The following TTN variants were observed in gnomAD, a reference collection of about 807,000 sequenced individuals.
The protein encoded by TTN is titin.
In TTN, 1,525 loss-of-function variants were observed where a neutral mutation model predicts 3,223.0. The observed-to-expected ratio is 0.47, with a 90% CI of 0.45 to 0.49. The LOEUF is 0.49. Among genes scored for constraint, TTN ranks in the 20% least tolerant of loss-of-function variants. TTN has a pLI of 0.00. For synonymous variants in TTN, 14,094 were observed against 15,161.0 expected, an observed-to-expected ratio of 0.93 and a Z score of 5.17; for missense variants, 40,786 against 43,424.0, an observed-to-expected ratio of 0.94 and a Z score of 5.40.
Position 178,548,774 on chromosome 2 carries a change from C to G in TTN, c.92852G>C (p.Gly30951Ala). 6.2e-7 allele frequency: 1 copy of G among 1,613,212 alleles called. No homozygotes were observed. The highest frequency in any genetic ancestry group is 8.5e-7 in the Non-Finnish European group (1 of 1,179,776). ...CCACACAGCTGTAGGAGTAGGTCTA[C>G]CTTGGTAGGCAATGAAGAGGCGAAT... is the stretch of plus-strand genomic sequence containing the variant. ...ASIRLFIAYQ[G>A]RPTPTAVWSK... is the part of the protein sequence containing the mutation. Residue 30951 changes from glycine (G) to alanine (A), a missense_variant, in exon 339 of 363, where the codon GGT (glycine) becomes GCT (alanine). Coordinates refer to ENST00000589042, the MANE Select transcript of TTN (RefSeq NM_001267550.2). The surrounding 1 kb of genome is among the most constrained non-coding windows in gnomAD (Gnocchi z 4.3).
chr2:178,683,968 A>ATTT (rs372078760), intron 133 of TTN, 31 bp downstream of exon 133: 79 of 1,259,566 alleles, frequency 6.3e-5, no homozygotes, highest in South Asian at 3.1e-4. Context: ...GCTTATTTTG[A>ATTT]TTTTTTTTTT....
chr2:178,546,153 A>T (rs1288206199), intron 342 of TTN, 37 bp from the exon 343 acceptor site: 1 of 1,587,890 alleles, frequency 6.3e-7, no homozygotes, highest in East Asian at 2.2e-5. Context: ...GATGAAGATC[A>T]TTCTTTCTGC....
chr2:178,599,913 T>A (rs2052836901), intron 288 of TTN, 63 bp from the exon 289 acceptor site: 1 of 1,451,588 alleles, frequency 6.9e-7, no homozygotes, highest in Non-Finnish European at 9.2e-7. Context: ...AAAGTAGAAT[T>A]CACAGTTACT....
chr2:178,691,562 A>G (rs1268903912), intron 121 of TTN, among the ~76,000 whole-genome samples: 1 of 152,174 alleles, frequency 6.6e-6, no homozygotes, highest in Non-Finnish European at 1.5e-5. Context: ...GCGTGGTACT[A>G]TGTACGTCTT....
chr2:178,765,999 C>T lies in TTN; in HGVS notation c.9703+382G>A, dbSNP rs533218718. Among the ~76,000 whole-genome samples the T allele has an allele frequency of 1.2e-3, 188 of 152,276 alleles. 5 individuals carry two copies. Among genetic ancestry groups the T allele is most frequent in the Admixed American group, 0.011 (169 of 15,292 alleles). On this transcript the variant is annotated intron_variant, in intron 41 of 362. Transcript: ENST00000589042. ...TCTCCCAGGCACTCCATATCAGAGG[C>T]TGGAAACACCCCTTTCACTTGGTAG...
Position 178,735,649 on chromosome 2 carries a change from C to A in TTN, c.14797G>T (p.Asp4933Tyr), listed in dbSNP as rs984284016. Reference sequence around the variant, plus strand: ...TTATCTTCAAAACAGATCTTATAATCTTTCCCTGGGGGGAGTTTTTGCCCA... The same window carrying A: ...TTATCTTCAAAACAGATCTTATAATATTTCCCTGGGGGGAGTTTTTGCCCA... Reference protein sequence around the residue: ...KDGQKLPPGKDYKICFEDKIA... With the variant: ...KDGQKLPPGKYYKICFEDKIA... Residue 4933 changes from aspartate (D) to tyrosine (Y), a missense_variant, in exon 50 of 363, where the codon GAT (aspartate) becomes TAT (tyrosine). By Grantham distance (160) the Asp-to-Tyr change is radical (BLOSUM62 -3). Transcript: ENST00000589042. 6.2e-7 allele frequency: 1 copy of A among 1,613,654 alleles called. No individual in the cohort carries two copies. Among genetic ancestry groups the A allele is most frequent in the African/African-American group, 1.3e-5 (1 of 74,936 alleles).
chr2:178,778,360 TA>T, intron 24 of TTN: 1 of 271,366 alleles, frequency 3.7e-6, no homozygotes, highest in Non-Finnish European at 7.1e-6. Context: ...TATGGAAAAA[TA>T]AAAAATACAC....
chr2:178,565,632 T>C lies in TTN; in HGVS notation c.80500A>G (p.Lys26834Glu). 1 of 1,613,618 alleles carries C rather than the reference T, an allele frequency of 6.2e-7. No individual in the cohort carries two copies. The highest frequency in any genetic ancestry group is 8.5e-7 in the Non-Finnish European group (1 of 1,179,634). The change falls in exon 326 of 363, where the codon AAA becomes GAA. Residue 26834 changes from lysine to glutamate, a missense_variant. Transcript: ENST00000589042. ...CCAGTAACAACTGCATTACAGACTT[T>C]GGATTCAGCCACAATGCTCCATTTT... ...TEKWSIVAES[K>E]VCNAVVTGLS...
rs1390045754 is a variant in TTN, at chr2:178,585,075, T to A, written c.64669A>T (p.Met21557Leu). 3 of 1,605,126 alleles carry A rather than the reference T, an allele frequency of 1.9e-6. No individual in the cohort carries two copies. The highest frequency in any genetic ancestry group is 8.5e-7 in the Non-Finnish European group (1 of 1,175,738). ...ATTTGTCTAATACTTAACTTACCCA[T>A]GACTACAACTTTGATTTTCTGAGTG... Reference protein sequence around the residue: ...TDTQKIKVVVMDAPGPPQPPF... With the variant: ...TDTQKIKVVVLDAPGPPQPPF... The change falls in exon 309 of 363, where the codon ATG (methionine) becomes TTG (leucine). Residue 21557 changes from methionine to leucine, a missense_variant. By Grantham distance (15) the Met-to-Leu change is conservative (BLOSUM62 2). Transcript: ENST00000589042.
At chr2:178,673,008 G>C (rs1166166647) in intron 152 of TTN, among the ~76,000 whole-genome samples, 1 of 151,444 alleles carries the variant, frequency 6.6e-6, no homozygotes, top group Non-Finnish European at 1.5e-5. Context: ...CTTTTTTGAA[G>C]TGATTACCAT....
Position 178,559,712 on chromosome 2 carries a change from C to A in TTN, c.86420G>T (p.Arg28807Leu). Residue 28807 changes from arginine to leucine, a missense_variant, in exon 326 of 363, where the codon CGT becomes CTT. Physicochemically the swap from Arg to Leu is moderately radical, Grantham distance 102. Transcript: ENST00000589042. ...GGCATTTTCAATGGTCAGTGATGTA[C>A]GAGAGTCTGTGGTATCAACATAAGC... ...TRAYVDTTDS[R>L]TSLTIENANR... The A allele has an allele frequency of 6.2e-7, 1 of 1,603,152 alleles. No individual in the cohort carries two copies. Among genetic ancestry groups the A allele is most frequent in the Non-Finnish European group, 8.5e-7 (1 of 1,174,158 alleles).
chr2:178,701,682 T>C, intron 109 of TTN, 95 bp from the exon 110 acceptor site: 10 of 1,204,642 alleles, frequency 8.3e-6, no homozygotes, highest in Non-Finnish European at 1.2e-5. Context: ...CTGAGATATG[T>C]CAGGCATATC....
rs397517607 is a variant in TTN, at chr2:178,608,867, T to C, written c.52144A>G (p.Arg17382Gly). Residue 17382 changes from arginine to glycine, a missense_variant, in exon 274 of 363, where the codon AGA becomes GGA. Physicochemically the swap from Arg to Gly is moderately radical, Grantham distance 125. Coordinates refer to ENST00000589042, the MANE Select transcript of TTN (RefSeq NM_001267550.2). ...PPINFVFEDI[R>G]KTSVLCKWEP... ...CATTTACAAAGGACTGAGGTCTTTCTGATATCTTCAAATACAAAGTTGATT... is the reference window on the plus strand; with the variant it reads ...CATTTACAAAGGACTGAGGTCTTTCCGATATCTTCAAATACAAAGTTGATT... 1.4e-4 allele frequency: 225 copies of C among 1,611,468 alleles called. 5 individuals carry two copies. In the South Asian group the frequency reaches 2.3e-3, roughly 16 times the overall value.
At chr2:178,758,052 T>C (rs1391548729) in intron 44 of TTN, 136 bp from the exon 45 acceptor site, 3 of 936,738 alleles carry the variant, frequency 3.2e-6, no homozygotes, top group East Asian at 2.6e-5. Flanking sequence ...TGTCCTTGTA[T>C]GTCACTATTG....
At position 178,778,885 on chromosome 2, in the gene TTN, C is replaced by T; in HGVS notation, c.4197G>A (p.Val1399=). The T allele has an allele frequency of 1.9e-6, 3 of 1,613,886 alleles. No homozygotes were observed. The highest frequency in any genetic ancestry group is 4.5e-5 in the East Asian group (2 of 44,830). ...APTYIPTLEP[V]SRIRSLSPRS... ...ATTACAAGTCTTACCTGATTCTGCT[C>T]ACTGGCTCTAGTGTGGGAATGTAAG... Residue 1399 remains valine, a synonymous_variant, in exon 24 of 363, where the codon GTG becomes GTA. Coordinates refer to ENST00000589042, the MANE Select transcript of TTN (RefSeq NM_001267550.2).
rs2079911475 is a variant in TTN at position 178,729,143 on chromosome 2, C to G, written c.18895G>C (p.Glu6299Gln). The G allele has an allele frequency of 1.9e-6, 3 of 1,592,452 alleles. No homozygotes were observed. Among genetic ancestry groups the G allele is most frequent in the African/African-American group, 2.7e-5 (2 of 74,100 alleles). Residue 6299 changes from glutamate to glutamine, a missense_variant, in exon 65 of 363, where the codon GAA becomes CAA. Physicochemically the swap from Glu to Gln is conservative, Grantham distance 29. Transcript: ENST00000589042. Reference protein sequence around the residue: ...KEPPSFIKKIENTTTVLKSSA... With the variant: ...KEPPSFIKKIQNTTTVLKSSA... ...CTTTTCAAAACAGTAGTGGTATTTT[C>G]TATCTTCTTAATGAATGATGGTGGT...
chr2:178,579,588 T>A lies in TTN; in HGVS notation c.67609A>T (p.Ile22537Phe). ...ACATCATCCCTTGCCACAACAGTGATTTCGCTTGGGGTTCCTTCTCCATTT... is the reference window on the plus strand; with the variant it reads ...ACATCATCCCTTGCCACAACAGTGAATTCGCTTGGGGTTCCTTCTCCATTT... ...NENGEGTPSE[I>F]TVVARDDVVA... The change falls in exon 319 of 363, where the codon ATC becomes TTC. Residue 22537 changes from isoleucine (I) to phenylalanine (F), a missense_variant. Coordinates refer to ENST00000589042, the MANE Select transcript of TTN (RefSeq NM_001267550.2). 6.2e-7 allele frequency: 1 copy of A among 1,613,302 alleles called. No individual in the cohort carries two copies. Among genetic ancestry groups the A allele is most frequent in the Non-Finnish European group, 8.5e-7 (1 of 1,179,492 alleles).
rs1474049302 is a variant in TTN at position 178,669,652 on chromosome 2, CA to C, written c.35409del (p.Ile11803MetfsTer12). On this transcript the variant is annotated frameshift_variant, in exon 158 of 363. Transcript: ENST00000589042. LOFTEE classifies it high-confidence loss of function. ...GCTTCACGAACTTTTTCTTCTGGGA[CA>C]ATTTTCTTGGGTACTTCGGGTGCTT... ...PTKAPEVPKK[I>X]VPEEKVREAV... 1 of 1,612,304 alleles carries C rather than the reference CA, an allele frequency of 6.2e-7. No homozygotes were observed. Among genetic ancestry groups the C allele is most frequent in the Admixed American group, 1.7e-5 (1 of 59,992 alleles).
In TTN at chr2:178,532,892, G is replaced by T. The variant is rs190866742; in HGVS notation, c.103723C>A (p.Arg34575Ser). ...MSDMKWYKKI[R>S]DQYEMPGKLD... is the part of the protein sequence containing the mutation. ...TTCCCAGGCATTTCATACTGATCAC[G>T]TATCTTTTTATACCACTTCATGTCA... The change falls in exon 358 of 363, where the codon CGT (arginine) becomes AGT (serine). Residue 34575 changes from arginine (R) to serine (S), a missense_variant. Transcript: ENST00000589042. 9 of 1,613,800 alleles carry T rather than the reference G, an allele frequency of 5.6e-6. 1 individual carries two copies. The highest frequency in any genetic ancestry group is 5.5e-5 in the South Asian group (5 of 91,076).
Sources: allele counts gnomAD v4.1 joint callset (sites outside exome capture counted in the v4.1 genomes callset), GRCh38; gene constraint gnomAD v4.1.1; non-coding constraint Gnocchi (gnomAD v3.1); transcripts MANE v1.5; gene names NCBI Gene and HGNC (gene_info 2026-07-23, HGNC 2026-07-21).